SLC24A2: variants seen among roughly 807,000 people sequenced by gnomAD.
SLC24A2 encodes solute carrier family 24 member 2.
In SLC24A2, 36 loss-of-function variants were observed where a neutral mutation model predicts 62.0. That is an observed-to-expected ratio of 0.58 (90% CI 0.44 to 0.77). The LOEUF (loss-of-function observed/expected upper bound fraction) is 0.77, where lower values mean the gene tolerates loss of function less well. Ranked by LOEUF, SLC24A2 falls within the 30% of genes least tolerant of loss-of-function variation. The pLI is 0.00. For missense variants in SLC24A2, 846 were observed against 817.9 expected, an observed-to-expected ratio of 1.03 and a Z score of -0.42; for synonymous variants, 358 against 294.0, an observed-to-expected ratio of 1.22 and a Z score of -2.23.
intron 2 of SLC24A2, among the ~76,000 whole-genome samples, chr9:19,771,960 T>A (rs1822703940): frequency 6.6e-6 from 1 of 152,150 alleles, no homozygotes; most frequent in Non-Finnish European, 1.5e-5. Context: ...ATAACCAAGA[T>A]GTATAAAGCT....
chr9:19,816,165 A>G, the SLC24A2 span, among the ~76,000 whole-genome samples: 6 of 151,842 alleles, frequency 4.0e-5, no homozygotes, highest in Non-Finnish European at 8.8e-5. Context: ...CCTTCTTTGC[A>G]TAGTTAAATC....
chr9:20,269,554 G>A, the SLC24A2 span, among the ~76,000 whole-genome samples: 1 of 152,154 alleles, frequency 6.6e-6, no homozygotes, highest in Admixed American at 6.5e-5. Context: ...ATTCCCAGCA[G>A]CTCCGTTTCA....
At chr9:20,143,600 C>T in the SLC24A2 span, among the ~76,000 whole-genome samples, 1 of 152,164 alleles carries the variant, frequency 6.6e-6, no homozygotes, top group Middle Eastern at 3.2e-3. Context: ...TGCTTCCTAA[C>T]AATTAAATAC....
chr9:20,091,225 T>C, the SLC24A2 span, among the ~76,000 whole-genome samples: 1,000 of 148,568 alleles, frequency 6.7e-3, 12 homozygotes, highest in African/African-American at 0.023. Context: ...GTCAAATCTA[T>C]GAATCATTGG....
chr9:19,916,854 G>C, the SLC24A2 span, among the ~76,000 whole-genome samples: 1 of 151,758 alleles, frequency 6.6e-6, no homozygotes, highest in South Asian at 2.1e-4. Flanking sequence ...GATGCTATAA[G>C]TAGAATCACT....
At chr9:19,969,625 C>A in the SLC24A2 span, among the ~76,000 whole-genome samples, 491 of 152,258 alleles carry the variant, frequency 3.2e-3, 4 homozygotes, top group African/African-American at 0.012. Flanking sequence ...ATAGGCAATG[C>A]CTGTGAGGAT....
intron 2 of SLC24A2, among the ~76,000 whole-genome samples, chr9:19,755,164 T>C (rs1274284710): frequency 6.6e-6 from 1 of 152,174 alleles, no homozygotes; most frequent in African/African-American, 2.4e-5. Context: ...GGCAAGTTCC[T>C]TAATCTCCAG....
At chr9:20,112,941 C>G in the SLC24A2 span, among the ~76,000 whole-genome samples, 2 of 151,956 alleles carry the variant, frequency 1.3e-5, no homozygotes, top group Admixed American at 1.3e-4. Context: ...TGGTGAGAGA[C>G]ACACGGTTAG....
the SLC24A2 span, among the ~76,000 whole-genome samples, chr9:20,020,014 C>T: frequency 5.9e-5 from 9 of 152,260 alleles, no homozygotes; most frequent in East Asian, 1.9e-4. Flanking sequence ...ATCAAAACCA[C>T]AATGAGATAC....
At chr9:20,153,051 C>G in the SLC24A2 span, among the ~76,000 whole-genome samples, 3 of 151,874 alleles carry the variant, frequency 2.0e-5, no homozygotes, top group African/African-American at 7.2e-5. Context: ...CATTTAAAAG[C>G]AACACATGCT....
At chr9:20,218,753 T>C in the SLC24A2 span, among the ~76,000 whole-genome samples, 1 of 152,140 alleles carries the variant, frequency 6.6e-6, no homozygotes, top group Non-Finnish European at 1.5e-5. Flanking sequence ...ATGTAACAAA[T>C]CACCACAAAT....
chr9:20,271,407 C>G, the SLC24A2 span, among the ~76,000 whole-genome samples: 1 of 152,216 alleles, frequency 6.6e-6, no homozygotes, highest in Non-Finnish European at 1.5e-5. Context: ...TCCTCTGCTG[C>G]TGGGCTAGTG....
the SLC24A2 span, among the ~76,000 whole-genome samples, chr9:20,078,219 G>A: frequency 2.0e-5 from 3 of 152,162 alleles, no homozygotes; most frequent in African/African-American, 4.8e-5. Context: ...GTTGCTGTAG[G>A]AAGTGGGAGC....
At position 19,706,677 on chromosome 9, in the gene SLC24A2, C is replaced by T. The variant is rs368314620; in HGVS notation, c.930+79260G>A. Among the ~76,000 whole-genome samples the T allele has an allele frequency of 3.5e-4, 54 of 152,210 alleles. No homozygotes were observed. In the South Asian group the frequency reaches 0.01, roughly 29 times the overall value. On this transcript the variant is annotated intron_variant, in intron 2 of 10. Coordinates refer to ENST00000341998, the MANE Select transcript of SLC24A2 (RefSeq NM_020344.4). The stretch of plus-strand genomic sequence containing the variant: ...ACAGGCGTGAGCCACCGCGCCCGGC[C>T]GGGTCTTGATTCTTTATCCAATTTG...
intron 2 of SLC24A2, among the ~76,000 whole-genome samples, chr9:19,706,137 T>C (rs1820507898): frequency 6.6e-6 from 1 of 151,794 alleles, no homozygotes; most frequent in Non-Finnish European, 1.5e-5. Context: ...TGCATATATA[T>C]TTAGGATAGT....
chr9:19,855,545 T>C, the SLC24A2 span, among the ~76,000 whole-genome samples: 1 of 152,216 alleles, frequency 6.6e-6, no homozygotes, highest in African/African-American at 2.4e-5. Flanking sequence ...CCTTCGCTTA[T>C]GAAGCTTAGT....
At chr9:19,855,540 G>A in the SLC24A2 span, among the ~76,000 whole-genome samples, 16 of 152,130 alleles carry the variant, frequency 1.1e-4, no homozygotes, top group African/African-American at 3.1e-4. Context: ...TTTTTCCTTC[G>A]CTTATGAAGC....
intron 4 of SLC24A2, among the ~76,000 whole-genome samples, chr9:19,617,696 C>T (rs985691483): frequency 3.9e-5 from 6 of 152,186 alleles, no homozygotes. Context: ...AGAAACAGAA[C>T]CATGAGAACT....
the SLC24A2 span, among the ~76,000 whole-genome samples, chr9:20,110,032 T>G: frequency 1.3e-5 from 2 of 152,304 alleles, 1 homozygote; most frequent in Admixed American, 1.3e-4. Context: ...TAATTTTTTA[T>G]CATATTAAAG....
Sources: allele counts gnomAD v4.1 joint callset (sites outside exome capture counted in the v4.1 genomes callset), GRCh38; gene constraint gnomAD v4.1.1; transcripts MANE v1.5; gene names NCBI Gene and HGNC (gene_info 2026-07-23, HGNC 2026-07-21).